The following RYR2 variants were observed in gnomAD, a reference collection of about 807,000 sequenced individuals.
RYR2 encodes ryanodine receptor 2, also known as cardiac muscle ryanodine receptor-calcium release channel.
RYR2 carries 227 observed loss-of-function variants against 601.1 expected under a neutral mutation model. That is an observed-to-expected ratio of 0.38 (90% CI 0.34 to 0.42). RYR2 has a LOEUF of 0.42. RYR2 is among the 10% of genes least tolerant of loss of function. The pLI is 1.00. For missense variants in RYR2, 4,646 were observed against 6,156.5 expected (o/e 0.75, Z 8.21); for synonymous variants, 2,223 against 2,175.1 (o/e 1.02, Z -0.61).
intron 1 of RYR2, among the ~76,000 whole-genome samples, chr1:237,160,772 C>A (rs558222976): frequency 1.3e-5 from 2 of 151,224 alleles, no homozygotes; most frequent in Admixed American, 6.6e-5. Flanking sequence ...TAAAAAAAAC[C>A]CAAAAGAACT....
At chr1:237,348,013 G>C (rs1010987144) in intron 3 of RYR2, among the ~76,000 whole-genome samples, 1 of 152,152 alleles carries the variant, frequency 6.6e-6, no homozygotes, top group Non-Finnish European at 1.5e-5. Flanking sequence ...GATTAAGGCA[G>C]AGGAGCCTGC....
chr1:237,607,950 A>G (rs961597375), intron 35 of RYR2, among the ~76,000 whole-genome samples: 3 of 152,224 alleles, frequency 2.0e-5, no homozygotes, highest in Admixed American at 6.5e-5. Flanking sequence ...TGCTTTATAC[A>G]TGGTATACAG....
chr1:237,054,216 CCTTT>C (rs1661665623), intron 1 of RYR2, among the ~76,000 whole-genome samples: 1 of 149,052 alleles, frequency 6.7e-6, no homozygotes, highest in Non-Finnish European at 1.5e-5. Context: ...TCCCTTCCTT[CCTTT>C]TTCTTCCCTC....
intron 1 of RYR2, among the ~76,000 whole-genome samples, chr1:237,218,399 G>A (rs141609913): frequency 3.9e-5 from 6 of 152,228 alleles, no homozygotes; most frequent in East Asian, 3.9e-4. Context: ...ATTATAGGAC[G>A]TGTATGCATT....
chr1:237,166,391 C>T (rs1304950284), intron 1 of RYR2, among the ~76,000 whole-genome samples: 3 of 152,204 alleles, frequency 2.0e-5, no homozygotes, highest in Admixed American at 6.5e-5. Context: ...GCATGTGAAA[C>T]ATTTGTACAC....
rs760386017 is a variant in RYR2 at position 237,401,433 on chromosome 1, T to C, written c.773+13250T>C. On this transcript the variant is annotated intron_variant, in intron 10 of 104. Transcript: ENST00000366574. ...TAGAGGTTCCCATAATCCCTTTAGA[T>C]TCAATAACTCACTAGAATGACTCAC... is the stretch of plus-strand genomic sequence containing the variant. Among the ~76,000 whole-genome samples the C allele has an allele frequency of 2.3e-4, 34 of 149,314 alleles. 1 individual carries two copies. Among genetic ancestry groups the C allele is most frequent in the South Asian group, 6.2e-4 (3 of 4,824 alleles).
intron 30 of RYR2, 128 bp downstream of exon 30, chr1:237,590,129 T>C (rs906407921): frequency 2.4e-6 from 2 of 825,688 alleles, no homozygotes; most frequent in Admixed American, 5.9e-5. Flanking sequence ...TGTTATATAG[T>C]AGTGGAATCT....
At chr1:237,657,830 T>C (rs985188420) in intron 53 of RYR2, 114 bp from the exon 54 acceptor site, 1 of 569,812 alleles carries the variant, frequency 1.8e-6, no homozygotes, top group Non-Finnish European at 3.1e-6. Context: ...AAGTCGTGTT[T>C]AACAGTTAAA....
chr1:237,782,143 CTCT>C (rs1440116612), intron 89 of RYR2, among the ~76,000 whole-genome samples: 1 of 146,396 alleles, frequency 6.8e-6, no homozygotes, highest in Non-Finnish European at 1.5e-5. Flanking sequence ...TTTTAATTTT[CTCT>C]TTTTTTTTCT....
At chr1:237,191,856 GT>G (rs1252957511) in intron 1 of RYR2, among the ~76,000 whole-genome samples, 1 of 152,166 alleles carries the variant, frequency 6.6e-6, no homozygotes, top group East Asian at 1.9e-4. Context: ...GGAGCTCTCT[GT>G]TTTTGTTGCT....
At chr1:237,267,085 G>T (rs1689147290) in intron 1 of RYR2, among the ~76,000 whole-genome samples, 1 of 152,106 alleles carries the variant, frequency 6.6e-6, no homozygotes, top group Non-Finnish European at 1.5e-5. Flanking sequence ...TAGATGATTG[G>T]TACATCTCAC....
chr1:237,283,020 T>G (rs1188168103), intron 2 of RYR2, among the ~76,000 whole-genome samples: 1 of 152,194 alleles, frequency 6.6e-6, no homozygotes, highest in African/African-American at 2.4e-5. Context: ...CACTTAGACA[T>G]GCATAAACAA....
intron 79 of RYR2, among the ~76,000 whole-genome samples, chr1:237,736,570 C>T (rs1005209861): frequency 2.6e-5 from 4 of 152,084 alleles, no homozygotes; most frequent in African/African-American, 9.7e-5. Context: ...TTTGCTCGCT[C>T]TCTCTCTGAA....
At chr1:237,728,592 A>G (rs1573701982) in intron 76 of RYR2, among the ~76,000 whole-genome samples, 1 of 152,170 alleles carries the variant, frequency 6.6e-6, no homozygotes, top group African/African-American at 2.4e-5. Flanking sequence ...ACCATGGAAT[A>G]CTATGCAGCC....
At position 237,392,417 on chromosome 1, in the gene RYR2, G is replaced by T. The variant is rs561349572; in HGVS notation, c.773+4234G>T. Among the ~76,000 whole-genome samples, 13 of 151,700 alleles carry T rather than the reference G, an allele frequency of 8.6e-5. No homozygotes were observed. In the East Asian group the frequency reaches 2.5e-3, roughly 29 times the overall value. On this transcript the variant is annotated intron_variant, in intron 10 of 104. Transcript: ENST00000366574. Reference sequence around the variant, plus strand: ...ATTATGCATAGTATGCCTGAATCAAGGCATCTCATGTACCCCATAAATATA... The same window carrying T: ...ATTATGCATAGTATGCCTGAATCAATGCATCTCATGTACCCCATAAATATA...
chr1:237,531,019 C>A (rs907334357), intron 25 of RYR2, among the ~76,000 whole-genome samples: 14 of 151,972 alleles, frequency 9.2e-5, no homozygotes, highest in African/African-American at 1.9e-4. Context: ...AGTGATGAAA[C>A]AAAGCTCAGA....
chr1:237,178,399 CTTTTGTAGTTAAGGCTCTGTGTGTGTG>C (rs1345694847), intron 1 of RYR2, among the ~76,000 whole-genome samples: 1 of 144,846 alleles, frequency 6.9e-6, no homozygotes, highest in Non-Finnish European at 1.5e-5. Flanking sequence ...AGTTAAGGCT[CTTTTGTAGTTAAGGCTCTGTGTGTGTG>C]TGTGTGTGTG....
At chr1:237,043,295 G>A (rs1660153999) in intron 1 of RYR2, among the ~76,000 whole-genome samples, 1 of 152,200 alleles carries the variant, frequency 6.6e-6, no homozygotes, top group African/African-American at 2.4e-5. Context: ...GTGTGTTTGC[G>A]TGTGTGCGCG....
intron 17 of RYR2, among the ~76,000 whole-genome samples, chr1:237,478,578 A>G (rs1661668104): frequency 6.6e-6 from 1 of 152,224 alleles, no homozygotes; most frequent in Admixed American, 6.5e-5. Context: ...TCAGATGGAA[A>G]CGCATAATAA....
Sources: allele counts gnomAD v4.1 joint callset (sites outside exome capture counted in the v4.1 genomes callset), GRCh38; gene constraint gnomAD v4.1.1; transcripts MANE v1.5; gene names NCBI Gene and HGNC (gene_info 2026-07-23, HGNC 2026-07-21).